ARHGAP44: variants seen among roughly 807,000 people sequenced by gnomAD.
ARHGAP44 encodes the protein Rho GTPase activating protein 44.
Under a neutral mutation model 106.8 loss-of-function variants are expected in ARHGAP44, and 43 were observed. The ratio of observed to expected loss-of-function variants is 0.40; its 90% CI spans 0.32 to 0.52. The LOEUF (loss-of-function observed/expected upper bound fraction) is 0.52. Ranked by LOEUF, ARHGAP44 falls within the 20% of genes least tolerant of loss-of-function variation. The probability of loss-of-function intolerance (pLI) is 0.48; values close to 1 mark genes in which losing one functional copy is unlikely to be tolerated. For missense variants in ARHGAP44, 866 were observed against 1,050.5 expected (o/e 0.82, Z 2.43); for synonymous variants, 439 against 410.3 (o/e 1.07, Z -0.85).
chr17:12,906,707 G>A (rs1388465640), intron 3 of ARHGAP44, among the ~76,000 whole-genome samples: 2 of 152,140 alleles, frequency 1.3e-5, no homozygotes, highest in South Asian at 4.1e-4. Context: ...GGCCAAAGCA[G>A]GAGGATTGCT....
chr17:12,953,987 G>A (rs188158784), intron 13 of ARHGAP44, among the ~76,000 whole-genome samples: 1 of 152,050 alleles, frequency 6.6e-6, no homozygotes, highest in Non-Finnish European at 1.5e-5. Flanking sequence ...CCTGGGATTC[G>A]AGTGATTCTC....
Position 12,956,733 on chromosome 17 carries a change from G to A in ARHGAP44, c.1329G>A (p.Trp443Ter). 6.2e-7 allele frequency: 1 copy of A among 1,614,104 alleles called. No homozygotes were observed. The highest frequency in any genetic ancestry group is 1.7e-5 in the Admixed American group (1 of 60,026). The change falls in exon 15 of 21, where the codon TGG becomes TGA. Residue 443 changes from tryptophan (W) to a stop codon, truncating the protein, a stop_gained. Transcript: ENST00000379672. LOFTEE classifies it high-confidence loss of function. ...IIEPIIQHAD[W>*]FFPGEIEFNI... ...AACCTATCATCCAGCATGCAGACTGGTTCTTCCCTGGGGGTAGGTGACAGC... is the reference window on the plus strand; with the variant it reads ...AACCTATCATCCAGCATGCAGACTGATTCTTCCCTGGGGGTAGGTGACAGC...
rs1270334495 is a variant in ARHGAP44 at position 12,949,453 on chromosome 17, G to A, written c.974-196G>A. On this transcript the variant is annotated intron_variant, in intron 11 of 20. Transcript: ENST00000379672. This position sits in a 1 kb window ranked among gnomAD's most constrained non-coding sequence, Gnocchi z 4.1. ...TCCCCGCATGCCAAGGGAAGACGAG[G>A]TAATTGTGGGAAGAAAGAGGGGCCA... Among the ~76,000 whole-genome samples the A allele has an allele frequency of 6.6e-6, 1 of 152,176 alleles. No individual in the cohort carries two copies. Among genetic ancestry groups the A allele is most frequent in the Non-Finnish European group, 1.5e-5 (1 of 68,036 alleles).
At chr17:12,907,039 A>G (rs777451404) in intron 3 of ARHGAP44, among the ~76,000 whole-genome samples, 3 of 152,168 alleles carry the variant, frequency 2.0e-5, no homozygotes, top group Non-Finnish European at 2.9e-5. Context: ...AGTTTTGTTT[A>G]TCACTGGTTT....
intron 7 of ARHGAP44, among the ~76,000 whole-genome samples, chr17:12,935,147 A>C (rs2038508816): frequency 6.6e-6 from 1 of 152,212 alleles, no homozygotes; most frequent in African/African-American, 2.4e-5. Context: ...AGGTCAAAAA[A>C]TAATCCTGAA....
intron 1 of ARHGAP44, among the ~76,000 whole-genome samples, chr17:12,883,517 T>A (rs2036797740): frequency 1.3e-5 from 2 of 151,970 alleles, no homozygotes; most frequent in South Asian, 4.1e-4. Flanking sequence ...TTTCTAAATA[T>A]CATTTTGCTA....
chr17:12,982,322 T>A (rs1448540302), intron 19 of ARHGAP44, among the ~76,000 whole-genome samples: 1 of 15,582 alleles, frequency 6.4e-5, no homozygotes, highest in Non-Finnish European at 1.7e-4. Context: ...TTTTTTTAAT[T>A]TTTTTTTTTT....
intron 1 of ARHGAP44, among the ~76,000 whole-genome samples, chr17:12,811,267 C>G (rs866017776): frequency 6.7e-6 from 1 of 149,648 alleles, no homozygotes; most frequent in African/African-American, 2.5e-5. Context: ...GAGCCGAGAT[C>G]GCACCACTGC....
intron 6 of ARHGAP44, among the ~76,000 whole-genome samples, chr17:12,925,048 C>T (rs1229493755): frequency 6.6e-6 from 1 of 151,964 alleles, no homozygotes; most frequent in Non-Finnish European, 1.5e-5. Context: ...AGTGGAGTCT[C>T]GATGGCCATC....
At chr17:12,920,099 G>T (rs751080054) in intron 6 of ARHGAP44, among the ~76,000 whole-genome samples, 5 of 152,064 alleles carry the variant, frequency 3.3e-5, no homozygotes, top group Non-Finnish European at 5.9e-5. Flanking sequence ...AAATGTGGCC[G>T]GGTGCAGTGG....
At chr17:12,957,877 C>T (rs890209334) in intron 15 of ARHGAP44, among the ~76,000 whole-genome samples, 1 of 152,124 alleles carries the variant, frequency 6.6e-6, no homozygotes, top group African/African-American at 2.4e-5. Context: ...TATGCTCTGC[C>T]CATTAGAGGT....
chr17:12,825,626 T>C (rs896688139), intron 1 of ARHGAP44, among the ~76,000 whole-genome samples: 1 of 152,174 alleles, frequency 6.6e-6, no homozygotes, highest in Non-Finnish European at 1.5e-5. Flanking sequence ...GGTTTCCAAC[T>C]GATTTGATGA....
intron 16 of ARHGAP44, among the ~76,000 whole-genome samples, chr17:12,970,259 A>G (rs947051987): frequency 4.0e-5 from 6 of 151,364 alleles, no homozygotes; most frequent in African/African-American, 1.5e-4. Context: ...CAAGCTACTC[A>G]GGAGGCTGAG....
At chr17:12,835,772 G>A (rs1350249068) in intron 1 of ARHGAP44, among the ~76,000 whole-genome samples, 1 of 151,958 alleles carries the variant, frequency 6.6e-6, no homozygotes, top group East Asian at 1.9e-4. Context: ...ACTGGAACTC[G>A]GCACTCATTA....
At chr17:12,983,632 C>T (rs1347892157) in intron 19 of ARHGAP44, among the ~76,000 whole-genome samples, 1 of 152,108 alleles carries the variant, frequency 6.6e-6, no homozygotes, top group Non-Finnish European at 1.5e-5. Context: ...TGGAGAAACC[C>T]TGTGTCTACT....
At position 12,855,923 on chromosome 17, in the gene ARHGAP44, G is replaced by A. The variant is rs118006565; in HGVS notation, c.54-39017G>A. ...GGATAAAAAAGTCATGCTTGTGGTC[G>A]AGCTCCAGGTAAGGCCCTGGATTGC... On this transcript the variant is annotated intron_variant, in intron 1 of 20. Coordinates refer to ENST00000379672, the MANE Select transcript of ARHGAP44 (RefSeq NM_014859.6). Among the ~76,000 whole-genome samples the A allele has an allele frequency of 8.2e-3, 1,251 of 152,238 alleles. 13 individuals are homozygous for A. Among genetic ancestry groups the A allele is most frequent in the Middle Eastern group, 0.017 (5 of 294 alleles).
intron 1 of ARHGAP44, among the ~76,000 whole-genome samples, chr17:12,864,402 C>G (rs1309296478): frequency 6.6e-6 from 1 of 152,108 alleles, no homozygotes; most frequent in Non-Finnish European, 1.5e-5. Flanking sequence ...CCGTCAACCA[C>G]AAGAGATTCA....
chr17:12,851,726 C>T lies in ARHGAP44; in HGVS notation c.54-43214C>T, dbSNP rs141847579. Among the ~76,000 whole-genome samples the T allele has an allele frequency of 6.1e-3, 929 of 152,222 alleles. 13 individuals are homozygous for T. The highest frequency in any genetic ancestry group is 0.021 in the African/African-American group (892 of 41,542). On this transcript the variant is annotated intron_variant, in intron 1 of 20. Coordinates refer to ENST00000379672, the MANE Select transcript of ARHGAP44 (RefSeq NM_014859.6). ...CTGGGATTACAGGCGTGAGCCACTGCGCCTGGCCTGTCTTTACTTTCTAAA... is the reference window on the plus strand; with the variant it reads ...CTGGGATTACAGGCGTGAGCCACTGTGCCTGGCCTGTCTTTACTTTCTAAA...
At chr17:12,947,263 G>A (rs763356154) in intron 10 of ARHGAP44, among the ~76,000 whole-genome samples, 2 of 152,142 alleles carry the variant, frequency 1.3e-5, no homozygotes, top group Non-Finnish European at 2.9e-5. Context: ...TGCCAAATCC[G>A]ATGACTTACT....
Sources: allele counts gnomAD v4.1 joint callset (sites outside exome capture counted in the v4.1 genomes callset), GRCh38; gene constraint gnomAD v4.1.1; non-coding constraint Gnocchi (gnomAD v3.1); transcripts MANE v1.5; gene names NCBI Gene and HGNC (gene_info 2026-07-23, HGNC 2026-07-21).